Variants in NFKBIL1 observed in about 807,000 individuals in gnomAD.
NFKBIL1 encodes the protein NF-kappa-B inhibitor-like protein 1.
Under a neutral mutation model 45.4 loss-of-function variants are expected in NFKBIL1, and 30 were observed. That is an observed-to-expected ratio of 0.66 (90% CI 0.49 to 0.90). The LOEUF (loss-of-function observed/expected upper bound fraction) is 0.90, where lower values mean the gene tolerates loss of function less well. Ranked by LOEUF, NFKBIL1 falls within the 40% of genes least tolerant of loss-of-function variation. NFKBIL1 has a pLI of 0.00. For synonymous variants in NFKBIL1, 179 were observed against 197.3 expected (o/e 0.91, Z 0.78); for missense variants, 434 against 513.4 (o/e 0.85, Z 1.49).
chr6:31,558,626 C>T lies in NFKBIL1; in HGVS notation c.*15C>T, dbSNP rs927542168. ...CCCTCAAGTGACCCTAGGGAAGAAG[C>T]AAGAAACTTCGGGGCTGCAGCCTCA... is the stretch of plus-strand genomic sequence containing the variant. On this transcript the variant is annotated 3_prime_UTR_variant, in exon 4 of 4. Transcript: ENST00000376148. This position sits in a 1 kb window ranked among gnomAD's most constrained non-coding sequence, Gnocchi z 7.2. 17 of 1,528,426 alleles carry T rather than the reference C, an allele frequency of 1.1e-5. No homozygotes were observed. Among genetic ancestry groups the T allele is most frequent in the Non-Finnish European group, 7.1e-6 (8 of 1,130,750 alleles). 94.7% of individuals were successfully genotyped at this position (1,528,426 alleles called of 1,614,324 possible). A position where few individuals can be genotyped will look rare whatever the true frequency, so the allele number is the denominator to read the frequency against.
At chr6:31,551,929 C>T (rs964293500) in intron 2 of NFKBIL1, among the ~76,000 whole-genome samples, 1 of 151,358 alleles carries the variant, frequency 6.6e-6, no homozygotes, top group African/African-American at 2.4e-5. Flanking sequence ...CCTGAGTAGC[C>T]GGGACTACAG....
At chr6:31,550,592 A>C (rs1281553444) in intron 2 of NFKBIL1, among the ~76,000 whole-genome samples, 2 of 152,332 alleles carry the variant, frequency 1.3e-5, no homozygotes, top group Admixed American at 6.5e-5. Flanking sequence ...ACCCCGAAGC[A>C]GACCTGCATC....
At chr6:31,548,094 T>C in intron 1 of NFKBIL1, 69 bp from the exon 2 acceptor site, 2 of 1,593,550 alleles carry the variant, frequency 1.3e-6, no homozygotes, top group Non-Finnish European at 1.7e-6. Flanking sequence ...CAACAGGGGA[T>C]GTCAGAGATG....
Position 31,557,770 on chromosome 6 carries a change from C to A in NFKBIL1, c.477C>A (p.Ala159=). 1 of 1,612,948 alleles carries A rather than the reference C, an allele frequency of 6.2e-7. No homozygotes were observed. The highest frequency in any genetic ancestry group is 8.5e-7 in the Non-Finnish European group (1 of 1,179,362). Residue 159 remains alanine, a synonymous_variant, in exon 3 of 4, where the codon GCC becomes GCA. Coordinates refer to ENST00000376148, the MANE Select transcript of NFKBIL1 (RefSeq NM_005007.4). The surrounding 1 kb of genome is among the most constrained non-coding windows in gnomAD (Gnocchi z 5.4). ...CTGAAGAGGAGGAAGAAGATGATGC[C>A]TCCAAGGAGCGGGAATGGAGACAGA... ...DSAEEEEEDD[A]SKEREWRQKL... is the part of the protein sequence containing the mutation.
In NFKBIL1 at chr6:31,557,521, A is replaced by G; in HGVS notation, c.335-107A>G. The G allele has an allele frequency of 1.2e-6, 1 of 829,568 alleles. No individual in the cohort carries two copies. The highest frequency in any genetic ancestry group is 2.8e-5 in the East Asian group (1 of 35,452). The allele number at this position is 829,568 out of a possible 1,614,324, so 51.4% of individuals were successfully genotyped here. A position where few individuals can be genotyped will look rare whatever the true frequency, so the allele number is the denominator to read the frequency against. ...AGGCATCCATGTGAGCCACCCTTCC[A>G]TTGCTTTAAGACCAAGGGAGCGAGT... is the stretch of plus-strand genomic sequence containing the variant. On this transcript the variant is annotated intron_variant, in intron 2 of 3. Transcript: ENST00000376148. The surrounding 1 kb of genome is among the most constrained non-coding windows in gnomAD (Gnocchi z 5.4).
In NFKBIL1 at chr6:31,558,286, C is replaced by G; in HGVS notation, c.821C>G (p.Pro274Arg). The G allele has an allele frequency of 9.5e-6, 15 of 1,583,994 alleles. No individual in the cohort carries two copies. The highest frequency in any genetic ancestry group is 1.3e-5 in the Non-Finnish European group (15 of 1,165,092). ...RAQEALGDRE[P>R]KPTRAGPREE... ...CAGGAGGCTCTAGGGGACCGAGAAC[C>G]CAAGCCAACCAGGGCCGGGCCCAGG... The change falls in exon 4 of 4, where the codon CCC (proline) becomes CGC (arginine). Residue 274 changes from proline to arginine, a missense_variant. Pro to Arg is a moderately radical substitution (Grantham distance 103). This residue lies in a region of NFKBIL1 where 128 missense variants were observed against 106.5 expected (regional missense o/e 1.20). Coordinates refer to ENST00000376148, the MANE Select transcript of NFKBIL1 (RefSeq NM_005007.4). The surrounding 1 kb of genome is among the most constrained non-coding windows in gnomAD (Gnocchi z 7.2).
intron 2 of NFKBIL1, among the ~76,000 whole-genome samples, chr6:31,549,328 T>A (rs1769299619): frequency 6.6e-6 from 1 of 151,960 alleles, no homozygotes; most frequent in Admixed American, 6.6e-5. Flanking sequence ...CCTGGCTCAC[T>A]GCAACCTCTA....
At chr6:31,549,998 G>A (rs554151622) in intron 2 of NFKBIL1, among the ~76,000 whole-genome samples, 63 of 152,052 alleles carry the variant, frequency 4.1e-4, no homozygotes, top group Non-Finnish European at 7.2e-4. Context: ...TCAGGAGTTC[G>A]AGACCAGCCT....
chr6:31,552,246 T>C (rs1420687644), intron 2 of NFKBIL1, among the ~76,000 whole-genome samples: 2 of 138,528 alleles, frequency 1.4e-5, no homozygotes, highest in African/African-American at 5.5e-5. Context: ...AGAATGTCTT[T>C]TGGTTTTGTT....
intron 2 of NFKBIL1, among the ~76,000 whole-genome samples, chr6:31,553,740 T>C (rs1769567819): frequency 6.6e-6 from 1 of 152,158 alleles, no homozygotes; most frequent in African/African-American, 2.4e-5. Context: ...CTTGGCTCAC[T>C]GCAACCTCTG....
Position 31,558,464 on chromosome 6 carries a change from C to T in NFKBIL1, c.999C>T (p.Tyr333=). Residue 333 remains tyrosine (Y), a synonymous_variant, in exon 4 of 4, where the codon TAC becomes TAT. Coordinates refer to ENST00000376148, the MANE Select transcript of NFKBIL1 (RefSeq NM_005007.4). This position sits in a 1 kb window ranked among gnomAD's most constrained non-coding sequence, Gnocchi z 7.2. The stretch of plus-strand genomic sequence containing the variant: ...AGGAACAGGGGGCTCTGAGGAGGTA[C>T]TTGAGGGTCCAGCAGGTCCGCTGGC... The part of the protein sequence containing the change: ...PLEEQGALRR[Y]LRVQQVRWHP... The T allele has an allele frequency of 6.4e-7, 1 of 1,551,344 alleles. No individual in the cohort carries two copies. Among genetic ancestry groups the T allele is most frequent in the South Asian group, 1.2e-5 (1 of 84,098 alleles).
In NFKBIL1 at chr6:31,557,546, T is replaced by G; in HGVS notation, c.335-82T>G. On this transcript the variant is annotated intron_variant, in intron 2 of 3. Transcript: ENST00000376148. The surrounding 1 kb of genome is among the most constrained non-coding windows in gnomAD (Gnocchi z 5.4). ...ATTGCTTTAAGACCAAGGGAGCGAGTGACCAGCAGGATTCAAGATGGCAGC... is the reference window on the plus strand; with the variant it reads ...ATTGCTTTAAGACCAAGGGAGCGAGGGACCAGCAGGATTCAAGATGGCAGC... 2 of 1,160,564 alleles carry G rather than the reference T, an allele frequency of 1.7e-6. No homozygotes were observed. The highest frequency in any genetic ancestry group is 2.4e-6 in the Non-Finnish European group (2 of 842,018). 71.9% of individuals were successfully genotyped at this position (1,160,564 alleles called of 1,614,324 possible). A position where few individuals can be genotyped will look rare whatever the true frequency, so the allele number is the denominator to read the frequency against.
intron 2 of NFKBIL1, among the ~76,000 whole-genome samples, chr6:31,554,202 C>A (rs774045682): frequency 6.6e-6 from 1 of 152,140 alleles, no homozygotes; most frequent in Non-Finnish European, 1.5e-5. Flanking sequence ...GCCAGGAGTT[C>A]AAGACCAGCC....
chr6:31,557,847 A>T lies in NFKBIL1; in HGVS notation c.554A>T (p.Glu185Val), dbSNP rs1412206436. Residue 185 changes from glutamate (E) to valine (V), a missense_variant and splice_region_variant, in exon 3 of 4, where the codon GAA (glutamate) becomes GTA (valine). By Grantham distance (121) the Glu-to-Val change is moderately radical (BLOSUM62 -2). This residue lies in a region of NFKBIL1 where 231 missense variants were observed against 264.1 expected (regional missense o/e 0.87). Transcript: ENST00000376148. This position sits in a 1 kb window ranked among gnomAD's most constrained non-coding sequence, Gnocchi z 5.4. ...DEWQEVMGRF[E>V]GDASHETQEP... ...TGGCAGGAAGTCATGGGGAGGTTTG[A>T]AGGTGAGAAGTCCACTGCTATCCAC... 2 of 1,587,492 alleles carry T rather than the reference A, an allele frequency of 1.3e-6. No individual in the cohort carries two copies. Among genetic ancestry groups the T allele is most frequent in the Admixed American group, 3.5e-5 (2 of 57,424 alleles).
intron 1 of NFKBIL1, among the ~76,000 whole-genome samples, 171 bp downstream of exon 1, chr6:31,547,922 C>T (rs1050595751): frequency 3.2e-4 from 49 of 152,130 alleles, no homozygotes; most frequent in African/African-American, 1.2e-3. Context: ...CAATTATTTA[C>T]CCTTTTCTCG....
rs373041732 is a variant in NFKBIL1, at chr6:31,558,233, G to T, written c.768G>T (p.Glu256Asp). 1.9e-6 allele frequency: 3 copies of T among 1,595,326 alleles called. No individual in the cohort carries two copies. The highest frequency in any genetic ancestry group is 2.3e-5 in the East Asian group (1 of 44,372). ...FRERARAKEE[E>D]LRESRARRAQ... ...AGCGAGCCCGGGCCAAGGAGGAAGA[G>T]CTGCGTGAGAGCCGAGCCAGGAGGG... is the stretch of plus-strand genomic sequence containing the variant. The change falls in exon 4 of 4, where the codon GAG becomes GAT. Residue 256 changes from glutamate to aspartate, a missense_variant. Coordinates refer to ENST00000376148, the MANE Select transcript of NFKBIL1 (RefSeq NM_005007.4). This position sits in a 1 kb window ranked among gnomAD's most constrained non-coding sequence, Gnocchi z 7.2.
chr6:31,548,716 A>T (rs1344622856), intron 2 of NFKBIL1, among the ~76,000 whole-genome samples: 1 of 152,208 alleles, frequency 6.6e-6, no homozygotes, highest in Non-Finnish European at 1.5e-5. Context: ...CTCGTAGCCA[A>T]AAAGTAGCAT....
chr6:31,549,471 C>T (rs2857607), intron 2 of NFKBIL1, among the ~76,000 whole-genome samples: 10,797 of 149,120 alleles, frequency 0.072, 454 homozygotes, highest in African/African-American at 0.092. Flanking sequence ...AAGCTGATCT[C>T]GAATGCCTGA....
At chr6:31,551,474 T>TTCAC (rs1769425156) in intron 2 of NFKBIL1, among the ~76,000 whole-genome samples, 5 of 152,236 alleles carry the variant, frequency 3.3e-5, no homozygotes, top group African/African-American at 1.2e-4. Context: ...GCTCAGTGCC[T>TTCAC]TCACTCCCAG....
Sources: gnomAD v4.1 joint callset for allele counts (sites outside exome capture counted in the v4.1 genomes callset) on GRCh38, gnomAD v4.1.1 for gene constraint, gnomAD v4.1.1 regional missense constraint, Gnocchi (gnomAD v3.1) non-coding constraint, MANE v1.5 for transcripts, NCBI Gene and HGNC (gene_info 2026-07-23, HGNC 2026-07-21) for gene names.